Variants in NMBR observed in about 807,000 individuals in gnomAD.
NMBR encodes the protein neuromedin-B receptor.
A neutral mutation model predicts 20.5 loss-of-function variants in NMBR; 16 were observed. The observed-to-expected ratio is 0.78, with a 90% CI of 0.53 to 1.19. The LOEUF is 1.19. NMBR is among the 50% of genes most tolerant of loss of function. NMBR has a pLI of 0.00. For synonymous variants in NMBR, 212 were observed against 196.6 expected, an observed-to-expected ratio of 1.08 and a Z score of -0.65; for missense variants, 582 against 499.1, an observed-to-expected ratio of 1.17 and a Z score of -1.58.
chr6:142,146,186 A>C (rs530207606), intron 1 of NMBR, among the ~76,000 whole-genome samples: 1 of 152,194 alleles, frequency 6.6e-6, no homozygotes, highest in African/African-American at 2.4e-5. Flanking sequence ...GGACTTTGCA[A>C]ATAGGTCTAG....
At chr6:142,094,807 T>G (rs1582844137) in intron 1 of NMBR, among the ~76,000 whole-genome samples, 2 of 152,306 alleles carry the variant, frequency 1.3e-5, no homozygotes, top group South Asian at 2.1e-4. Flanking sequence ...TTCCATTTCT[T>G]TGTATCCTCT....
chr6:142,096,291 C>G (rs1390494720), intron 1 of NMBR, among the ~76,000 whole-genome samples: 2 of 152,076 alleles, frequency 1.3e-5, no homozygotes, highest in African/African-American at 2.4e-5. Flanking sequence ...TGGGCATTTA[C>G]TGCTATAAAT....
intron 1 of NMBR, among the ~76,000 whole-genome samples, chr6:142,107,010 T>G (rs1288405308): frequency 6.6e-6 from 1 of 152,204 alleles, no homozygotes; most frequent in East Asian, 1.9e-4. Context: ...AAAGGTGCAT[T>G]TTAGGTTCAT....
rs753692955 is a variant in NMBR, at chr6:142,078,787, A to G, written c.539T>C (p.Val180Ala). Reference protein sequence around the residue: ...VSVLLAVPEAVFSEVARISSL... With the variant: ...VSVLLAVPEAAFSEVARISSL... ...ACTGATGCGAGCCACTTCTGAAAAC[A>G]CCGCTTCGGGAACTGCCAGCAACAC... The change falls in exon 3 of 4, where the codon GTG becomes GCG. Residue 180 changes from valine to alanine, a missense_variant. Val to Ala is a moderately conservative substitution (Grantham distance 64). Transcript: ENST00000258042. 3.7e-6 allele frequency: 6 copies of G among 1,613,820 alleles called. No individual in the cohort carries two copies. Among genetic ancestry groups the G allele is most frequent in the African/African-American group, 1.3e-5 (1 of 74,814 alleles).
chr6:142,145,020 T>TAAAAAA (rs34522158), intron 1 of NMBR, among the ~76,000 whole-genome samples: 26 of 97,472 alleles, frequency 2.7e-4, no homozygotes, highest in African/African-American at 1.0e-3. Flanking sequence ...AGAACCTGTC[T>TAAAAAA]AAAAAAAAAA....
chr6:142,106,001 A>G (rs1049446236), intron 1 of NMBR, among the ~76,000 whole-genome samples: 1 of 152,212 alleles, frequency 6.6e-6, no homozygotes, highest in Non-Finnish European at 1.5e-5. Flanking sequence ...TTAATCTAAC[A>G]TAATATGACT....
chr6:142,132,518 G>A (rs946938975), intron 1 of NMBR, among the ~76,000 whole-genome samples: 2 of 152,128 alleles, frequency 1.3e-5, no homozygotes, highest in African/African-American at 4.8e-5. Context: ...TTCCATGTCT[G>A]TGGCAAGCAT....
chr6:142,078,963 AAAG>A, intron 2 of NMBR, 60 bp from the exon 3 acceptor site: 1 of 1,210,476 alleles, frequency 8.3e-7, no homozygotes. Context: ...AAGAGAAAGA[AAAG>A]AAAGAAAGAA....
chr6:142,116,246 T>C (rs2114593950), intron 1 of NMBR, among the ~76,000 whole-genome samples: 1 of 151,986 alleles, frequency 6.6e-6, no homozygotes, highest in South Asian at 2.1e-4. Flanking sequence ...ATACCCCTTC[T>C]TCTCTTCACC....
Position 142,074,895 on chromosome 6 carries a change from A to C in NMBR, c.*753T>G, listed in dbSNP as rs1163794379. Reference sequence around the variant, plus strand: ...TACATTCATAATATAAATTATATTCATATCATATCTATTTTATAATTCATA... The same window carrying C: ...TACATTCATAATATAAATTATATTCCTATCATATCTATTTTATAATTCATA... On this transcript the variant is annotated 3_prime_UTR_variant, in exon 4 of 4. Transcript: ENST00000258042. Among the ~76,000 whole-genome samples the C allele has an allele frequency of 6.6e-6, 1 of 152,056 alleles. No homozygotes were observed. Among genetic ancestry groups the C allele is most frequent in the Admixed American group, 6.5e-5 (1 of 15,276 alleles).
rs60678877 is a variant in NMBR at position 142,132,547 on chromosome 6, T to C, written c.-664+14497A>G. ...CAAGCATTCAACAACTAGACAAATA[T>C]AGCAATACATCAATAATATTCAATA... On this transcript the variant is annotated intron_variant, in intron 1 of 3. Coordinates refer to ENST00000258042, the MANE Select transcript of NMBR (RefSeq NM_002511.4). Among the ~76,000 whole-genome samples the C allele has an allele frequency of 1.3e-3, 194 of 152,278 alleles. 2 individuals carry two copies. The highest frequency in any genetic ancestry group is 4.4e-3 in the African/African-American group (182 of 41,562).
chr6:142,084,984 TAAGC>T (rs1025731618), intron 2 of NMBR, among the ~76,000 whole-genome samples: 4 of 152,222 alleles, frequency 2.6e-5, no homozygotes, highest in African/African-American at 9.6e-5. Context: ...CTACTTTATG[TAAGC>T]AAGCAAGCAA....
intron 1 of NMBR, among the ~76,000 whole-genome samples, chr6:142,133,645 C>T (rs1214928661): frequency 1.3e-5 from 2 of 152,048 alleles, no homozygotes; most frequent in Admixed American, 1.3e-4. Context: ...AGCCACATGT[C>T]CCTATCAACT....
At chr6:142,079,024 G>C in intron 2 of NMBR, 121 bp from the exon 3 acceptor site, 1 of 553,600 alleles carries the variant, frequency 1.8e-6, no homozygotes, top group Non-Finnish European at 3.0e-6. Context: ...AAGGGAGAGA[G>C]AGAGAAAGAA....
In NMBR at chr6:142,078,836, C is replaced by T; in HGVS notation, c.490G>A (p.Ala164Thr). ...ACGGAGACCACCCAGATACCCATGG[C>T]CTTCACACAGGTCCGCAGCAATGCC... ...SGALLRTCVK[A>T]MGIWVVSVLL... Residue 164 changes from alanine to threonine, a missense_variant, in exon 3 of 4, where the codon GCC becomes ACC. Ala to Thr is a moderately conservative substitution (Grantham distance 58, BLOSUM62 0). Transcript: ENST00000258042. The T allele has an allele frequency of 1.2e-6, 2 of 1,613,884 alleles. No individual in the cohort carries two copies. Among genetic ancestry groups the T allele is most frequent in the South Asian group, 2.2e-5 (2 of 91,066 alleles).
chr6:142,089,989 C>T (rs1324007855), intron 1 of NMBR, among the ~76,000 whole-genome samples: 5 of 151,860 alleles, frequency 3.3e-5, no homozygotes, highest in African/African-American at 1.2e-4. Context: ...GAACCTGGCT[C>T]GACAATTTTA....
intron 1 of NMBR, among the ~76,000 whole-genome samples, chr6:142,136,677 G>T (rs1376441879): frequency 1.2e-4 from 19 of 152,178 alleles, no homozygotes; most frequent in African/African-American, 2.7e-4. Context: ...TTTGTATAAG[G>T]TGTAAGGAAG....
intron 2 of NMBR, among the ~76,000 whole-genome samples, chr6:142,085,979 G>GT (rs899897175): frequency 6.0e-5 from 8 of 134,168 alleles, no homozygotes; most frequent in African/African-American, 2.2e-4. Flanking sequence ...ATTTTATGAT[G>GT]TTTTTTCACT....
At position 142,078,867 on chromosome 6, in the gene NMBR, C is replaced by A; in HGVS notation, c.459G>T (p.Thr153=). ...RAIVNPMDMQ[T]SGALLRTCVK... is the part of the protein sequence containing the mutation. The stretch of plus-strand genomic sequence containing the variant: ...CACAGGTCCGCAGCAATGCCCCTGA[C>A]GTCTGCATGTCCATGGGGTTAACGA... The change falls in exon 3 of 4, where the codon ACG becomes ACT. Residue 153 remains threonine (T), a synonymous_variant. Coordinates refer to ENST00000258042, the MANE Select transcript of NMBR (RefSeq NM_002511.4). 4 of 1,613,138 alleles carry A rather than the reference C, an allele frequency of 2.5e-6. No homozygotes were observed. Among genetic ancestry groups the A allele is most frequent in the Non-Finnish European group, 3.4e-6 (4 of 1,179,866 alleles).
Sources: gnomAD v4.1 joint callset for allele counts (sites outside exome capture counted in the v4.1 genomes callset) on GRCh38, gnomAD v4.1.1 for gene constraint, MANE v1.5 for transcripts, NCBI Gene and HGNC (gene_info 2026-07-23, HGNC 2026-07-21) for gene names.